NCAPG2: variants seen among roughly 807,000 people sequenced by gnomAD.
NCAPG2 encodes non-SMC condensin II complex subunit G2, also known as condensin-2 complex subunit G2.
Under a neutral mutation model 141.1 loss-of-function variants are expected in NCAPG2, and 53 were observed. That is an observed-to-expected ratio of 0.38 (90% CI 0.30 to 0.47). NCAPG2 has a LOEUF of 0.47. Ranked by LOEUF, NCAPG2 falls within the 20% of genes least tolerant of loss-of-function variation. The probability of loss-of-function intolerance (pLI) is 0.99; values close to 1 mark genes in which losing one functional copy is unlikely to be tolerated. For synonymous variants in NCAPG2, 499 were observed against 490.7 expected (o/e 1.02, Z -0.22); for missense variants, 1,087 against 1,389.0 (o/e 0.78, Z 3.46).
intron 13 of NCAPG2, among the ~76,000 whole-genome samples, chr7:158,668,749 GT>G (rs1036954939): frequency 2.0e-5 from 3 of 152,148 alleles, no homozygotes; most frequent in Admixed American, 1.3e-4. Context: ...AGTCTACTTT[GT>G]TTTCTGGGTT....
chr7:158,685,658 A>C (rs886821462), intron 8 of NCAPG2, among the ~76,000 whole-genome samples: 1 of 152,104 alleles, frequency 6.6e-6, no homozygotes, highest in Non-Finnish European at 1.5e-5. Flanking sequence ...CAAGGAAAAA[A>C]AAGTCTGTAC....
In NCAPG2 at chr7:158,658,301, C is replaced by CCTACTTTT. The variant is rs757810103; in HGVS notation, c.2060+29_2060+36dup. ...ATTCAGCACAACAATGGACAGGATT[C>CCTACTTTT]CTACTTTTCTACCGTACCAAAAAAC... On this transcript the variant is annotated intron_variant, in intron 17 of 27. Transcript: ENST00000356309. 2.6e-6 allele frequency: 4 copies of CCTACTTTT among 1,557,772 alleles called. No individual in the cohort carries two copies. In the African/African-American group the frequency reaches 5.5e-5, roughly 21 times the overall value.
At chr7:158,704,368 GCTCT>G (rs149441033) in intron 1 of NCAPG2, among the ~76,000 whole-genome samples, 9,126 of 147,368 alleles carry the variant, frequency 0.062, 356 homozygotes, top group Middle Eastern at 0.14. Context: ...AGAGGAGGTC[GCTCT>G]CTGAGGGCAG....
At chr7:158,631,849 G>C (rs1829910088) in intron 27 of NCAPG2, 132 bp from the exon 28 acceptor site, 13 of 719,610 alleles carry the variant, frequency 1.8e-5, no homozygotes, top group Middle Eastern at 3.9e-4. Context: ...ATAATCTATA[G>C]ATGTTTCATT....
intron 11 of NCAPG2, among the ~76,000 whole-genome samples, chr7:158,676,881 A>G (rs1372765684): frequency 6.6e-6 from 1 of 152,174 alleles, no homozygotes; most frequent in Non-Finnish European, 1.5e-5. Context: ...AAGACTGAGA[A>G]ATTTCTGTAA....
chr7:158,703,643 A>T (rs181849604), intron 1 of NCAPG2: 1 of 152,386 alleles, frequency 6.6e-6, no homozygotes, highest in East Asian at 1.9e-4. Flanking sequence ...GTAAGGAGTC[A>T]TCTCACCATC....
At chr7:158,662,064 T>G (rs1832554536) in intron 16 of NCAPG2, 130 bp downstream of exon 16, 2 of 883,552 alleles carry the variant, frequency 2.3e-6, no homozygotes, top group Non-Finnish European at 3.2e-6. Context: ...AGGTAAACAC[T>G]AATCCAACCC....
chr7:158,653,887 G>A (rs1831691370), intron 22 of NCAPG2, among the ~76,000 whole-genome samples: 1 of 152,186 alleles, frequency 6.6e-6, no homozygotes, highest in Non-Finnish European at 1.5e-5. Flanking sequence ...TTACACAGCA[G>A]TCAGCTACAC....
chr7:158,648,310 A>G (rs1831182126), intron 24 of NCAPG2, among the ~76,000 whole-genome samples: 1 of 152,168 alleles, frequency 6.6e-6, no homozygotes, highest in Admixed American at 6.5e-5. Context: ...TCACTAAAAA[A>G]AAAAATTACA....
intron 17 of NCAPG2, 67 bp from the exon 18 acceptor site, chr7:158,656,772 T>C: frequency 6.5e-7 from 1 of 1,548,604 alleles, no homozygotes; most frequent in Admixed American, 1.9e-5. Flanking sequence ...TGTCAAAAGG[T>C]GAGGAAAACC....
intron 12 of NCAPG2, among the ~76,000 whole-genome samples, chr7:158,672,278 A>ATGTG (rs111749495): frequency 3.5e-4 from 8 of 22,874 alleles, no homozygotes; most frequent in African/African-American, 8.9e-4. Flanking sequence ...TTCCAAACAC[A>ATGTG]TGTGTGTGTG....
chr7:158,699,926 G>GTTATTTATTTATTTATTTATTTAT (rs146349286), intron 2 of NCAPG2, among the ~76,000 whole-genome samples: 1 of 151,426 alleles, frequency 6.6e-6, no homozygotes, highest in African/African-American at 2.4e-5. Context: ...ATCTCTCTGG[G>GTTATTTATTTATTTATTTATTTAT]TTATTTATTT....
Position 158,675,518 on chromosome 7 carries a change from A to T in NCAPG2, c.1285T>A (p.Phe429Ile). The T allele has an allele frequency of 6.2e-7, 1 of 1,612,424 alleles. No individual in the cohort carries two copies. The highest frequency in any genetic ancestry group is 8.5e-7 in the Non-Finnish European group (1 of 1,179,730). The change falls in exon 12 of 28, where the codon TTT (phenylalanine) becomes ATT (isoleucine). Residue 429 changes from phenylalanine to isoleucine, a missense_variant. By Grantham distance (21) the Phe-to-Ile change is conservative. Transcript: ENST00000356309. The stretch of plus-strand genomic sequence containing the variant: ...CGAACATCAGCTGAGCTCGTGTCAA[A>T]TGCCAGTTCCCCAGTCACCTTCTTC... Reference protein sequence around the residue: ...LLKKVTGELAFDTSSADVRCS... With the variant: ...LLKKVTGELAIDTSSADVRCS...
Position 158,655,589 on chromosome 7 carries a change from T to C in NCAPG2, c.2389-134A>G, listed in dbSNP as rs1831854697. The C allele has an allele frequency of 1.5e-5, 5 of 325,084 alleles. No individual in the cohort carries two copies. In the Admixed American group the frequency reaches 2.3e-4, roughly 15 times the overall value. 20.1% of individuals were successfully genotyped at this position (325,084 alleles called of 1,614,324 possible). A position where few individuals can be genotyped will look rare whatever the true frequency, so the allele number is the denominator to read the frequency against. ...CCCCGCTCTGGTGAAGCCCAGTGTC[T>C]GCTGACTCTGCACCCGGACATGAGG... On this transcript the variant is annotated intron_variant, in intron 19 of 27. Transcript: ENST00000356309.
In NCAPG2 at chr7:158,634,432, G is replaced by A. The variant is rs537847338; in HGVS notation, c.3381-2715C>T. 3.1e-4 allele frequency among the ~76,000 whole-genome samples: 47 copies of A among 152,182 alleles called. 1 individual carries two copies. Among genetic ancestry groups the A allele is most frequent in the African/African-American group, 1.1e-3 (46 of 41,508 alleles). On this transcript the variant is annotated intron_variant, in intron 27 of 27. Transcript: ENST00000356309. ...CTGTTATATTATATTAGGGAATAAT[G>A]ACAAGGAAAAGTCTGTTCATATTCA...
chr7:158,654,291 A>G (rs1170290139), intron 22 of NCAPG2, among the ~76,000 whole-genome samples: 1 of 152,182 alleles, frequency 6.6e-6, no homozygotes, highest in African/African-American at 2.4e-5. Flanking sequence ...GGTTTCCCAC[A>G]CAGATGCCAG....
At chr7:158,644,202 A>G (rs1830839793) in intron 27 of NCAPG2, 87 bp downstream of exon 27, 1 of 1,124,810 alleles carries the variant, frequency 8.9e-7, no homozygotes, top group Non-Finnish European at 1.3e-6. Flanking sequence ...GGGTGTAAGT[A>G]GCAGAAATGA....
Position 158,662,360 on chromosome 7 carries a change from T to C in NCAPG2, c.1823A>G (p.Asp608Gly), listed in dbSNP as rs1334094475. ...AACATCGTTTACTGACAGTGTTTTG[T>C]CCAGAACCTAAGATAAAAATAATTT... Reference protein sequence around the residue: ...GREKENVTVLDKTLSVNDVAC... With the variant: ...GREKENVTVLGKTLSVNDVAC... The change falls in exon 16 of 28, where the codon GAC becomes GGC. Residue 608 changes from aspartate (D) to glycine (G), a missense_variant. Coordinates refer to ENST00000356309, the MANE Select transcript of NCAPG2 (RefSeq NM_017760.7). 1.3e-6 allele frequency: 2 copies of C among 1,560,142 alleles called. No homozygotes were observed. The highest frequency in any genetic ancestry group is 1.7e-6 in the Non-Finnish European group (2 of 1,156,120).
intron 6 of NCAPG2, 116 bp from the exon 7 acceptor site, chr7:158,687,558 C>T (rs1230807205): frequency 2.8e-6 from 2 of 723,184 alleles, no homozygotes; most frequent in Non-Finnish European, 4.5e-6. Context: ...AAACGAGGCA[C>T]ATGTAATTAT....
Sources: allele counts gnomAD v4.1 joint callset (sites outside exome capture counted in the v4.1 genomes callset), GRCh38; gene constraint gnomAD v4.1.1; transcripts MANE v1.5; gene names NCBI Gene and HGNC (gene_info 2026-07-23, HGNC 2026-07-21).